Variants in DPP6 observed in about 807,000 individuals in gnomAD.
DPP6 encodes the protein dipeptidyl peptidase like 6, also known as A-type potassium channel modulatory protein DPP6.
Under a neutral mutation model 122.6 loss-of-function variants are expected in DPP6, and 69 were observed. That is an observed-to-expected ratio of 0.56 (90% CI 0.46 to 0.69). DPP6 has a LOEUF of 0.69. Ranked by LOEUF, DPP6 falls within the 30% of genes least tolerant of loss-of-function variation. DPP6 has a pLI of 0.00. For synonymous variants in DPP6, 418 were observed against 433.1 expected, an observed-to-expected ratio of 0.97 and a Z score of 0.43; for missense variants, 928 against 1,116.9, an observed-to-expected ratio of 0.83 and a Z score of 2.41.
At chr7:154,212,103 A>T (rs1376848721) in intron 1 of DPP6, among the ~76,000 whole-genome samples, 1 of 152,158 alleles carries the variant, frequency 6.6e-6, no homozygotes, top group Non-Finnish European at 1.5e-5. Context: ...CACATGGCTC[A>T]TCAGTGCTGG....
chr7:154,435,280 A>T (rs916775313), intron 1 of DPP6, among the ~76,000 whole-genome samples: 2 of 151,978 alleles, frequency 1.3e-5, no homozygotes, highest in Non-Finnish European at 2.9e-5. Context: ...AGAAAGAGGG[A>T]GGAATGGGAG....
intron 7 of DPP6, among the ~76,000 whole-genome samples, chr7:154,716,844 T>G (rs544460866): frequency 2.0e-5 from 3 of 152,322 alleles, no homozygotes; most frequent in East Asian, 3.8e-4. Context: ...TTATTGTTGC[T>G]GTTTTTTGAG....
chr7:153,868,591 TA>T, the DPP6 span, among the ~76,000 whole-genome samples: 8 of 152,274 alleles, frequency 5.3e-5, no homozygotes, highest in Admixed American at 3.3e-4. Flanking sequence ...GTTGATCTTT[TA>T]AAAAAACCAG....
chr7:154,232,309 A>T (rs1800965412), intron 1 of DPP6, among the ~76,000 whole-genome samples: 1 of 152,216 alleles, frequency 6.6e-6, no homozygotes, highest in Non-Finnish European at 1.5e-5. Context: ...ACAAGAGCCC[A>T]GAAACAGGGA....
chr7:154,434,864 C>T lies in DPP6; in HGVS notation c.244-11350C>T, dbSNP rs145684943. Among the ~76,000 whole-genome samples the T allele has an allele frequency of 1.8e-3, 279 of 152,204 alleles. 2 individuals carry two copies. Among genetic ancestry groups the T allele is most frequent in the African/African-American group, 6.2e-3 (259 of 41,548 alleles). On this transcript the variant is annotated intron_variant, in intron 1 of 25. Transcript: ENST00000377770. Reference sequence around the variant, plus strand: ...ATTTTTATTTTTTGAGATGGAGTCTCGCTCTGGTCACCCAGGCTAAAGTGC... The same window carrying T: ...ATTTTTATTTTTTGAGATGGAGTCTTGCTCTGGTCACCCAGGCTAAAGTGC...
At chr7:154,650,137 T>C (rs1224155922) in intron 6 of DPP6, among the ~76,000 whole-genome samples, 1 of 151,882 alleles carries the variant, frequency 6.6e-6, no homozygotes, top group Admixed American at 6.6e-5. Context: ...CTGGGCAACA[T>C]AGCAAGACAC....
In DPP6 at chr7:154,575,570, ATATGTGTATGTGTGAGCGGGTG is replaced by A. The variant is rs1400144401; in HGVS notation, c.627+8662_627+8683del. ...TGTGGTGTGTTTATTTGTGTGTGGT[ATATGTGTATGTGTGAGCGGGTG>A]TATGTGTGTGGTGTGTGTATGTGTG... On this transcript the variant is annotated intron_variant, in intron 5 of 25. Transcript: ENST00000377770. 9.2e-3 allele frequency among the ~76,000 whole-genome samples: 568 copies of A among 62,038 alleles called. 7 individuals are homozygous for A. The highest frequency in any genetic ancestry group is 0.04 in the African/African-American group (532 of 13,452). The allele number at this position is 62,038 out of a possible 152,430, so 40.7% of individuals were successfully genotyped here. A position where few individuals can be genotyped will look rare whatever the true frequency, so the allele number is the denominator to read the frequency against.
chr7:154,013,622 T>A (rs1471740280), intron 1 of DPP6, among the ~76,000 whole-genome samples: 1 of 151,842 alleles, frequency 6.6e-6, no homozygotes, highest in African/African-American at 2.4e-5. Flanking sequence ...CATTCTTACT[T>A]TATGTGGACA....
chr7:153,863,603 C>T, the DPP6 span, among the ~76,000 whole-genome samples: 15 of 152,184 alleles, frequency 9.9e-5, no homozygotes, highest in East Asian at 1.5e-3. Context: ...ATAAATACGA[C>T]GTGGAAATCA....
intron 1 of DPP6, among the ~76,000 whole-genome samples, chr7:154,082,846 CTTT>C (rs1174987723): frequency 8.5e-5 from 9 of 106,272 alleles, no homozygotes; most frequent in Non-Finnish European, 1.7e-4. Context: ...TTTTCTTTTT[CTTT>C]TTTTTTTTTT....
intron 1 of DPP6, among the ~76,000 whole-genome samples, chr7:154,133,586 T>C (rs1795396616): frequency 6.6e-6 from 1 of 152,216 alleles, no homozygotes. Context: ...CTCCTTCGAC[T>C]TCCTCACATT....
At chr7:154,825,900 A>T (rs1800106396) in intron 16 of DPP6, among the ~76,000 whole-genome samples, 1 of 152,210 alleles carries the variant, frequency 6.6e-6, no homozygotes. Flanking sequence ...TTTCATGAGC[A>T]CCAGTTTTAT....
chr7:154,065,191 C>G, intron 1 of DPP6, among the ~76,000 whole-genome samples: 1 of 152,074 alleles, frequency 6.6e-6, no homozygotes, highest in African/African-American at 2.4e-5. Context: ...GCTGGAAGGA[C>G]AGACATCACT....
the DPP6 span, among the ~76,000 whole-genome samples, chr7:153,813,234 T>A: frequency 3.5e-5 from 5 of 143,890 alleles, no homozygotes; most frequent in African/African-American, 7.6e-5. Flanking sequence ...TGTCCATGCG[T>A]TCTCATTGTT....
intron 3 of DPP6, among the ~76,000 whole-genome samples, chr7:154,507,276 A>AT (rs34818675): frequency 2.8e-4 from 42 of 149,826 alleles, no homozygotes; most frequent in Middle Eastern, 7.0e-3. Flanking sequence ...AGAAACCATA[A>AT]TTTTTTTTTT....
intron 1 of DPP6, among the ~76,000 whole-genome samples, chr7:154,101,935 C>CAAAAA (rs915468915): frequency 8.8e-4 from 36 of 40,770 alleles, no homozygotes; most frequent in Non-Finnish European, 1.0e-3. Context: ...TACTCCATCT[C>CAAAAA]AAAAAAAAAA....
At chr7:154,568,409 A>G (rs925173616) in intron 5 of DPP6, among the ~76,000 whole-genome samples, 1 of 152,244 alleles carries the variant, frequency 6.6e-6, no homozygotes. Context: ...TAATCATCGG[A>G]GCACCCCGAC....
intron 2 of DPP6, among the ~76,000 whole-genome samples, chr7:154,460,704 T>C (rs893450981): frequency 2.6e-5 from 4 of 152,354 alleles, no homozygotes; most frequent in Middle Eastern, 3.4e-3. Context: ...CATTTTTTAA[T>C]TTTTAATTTC....
rs1371294378 is a variant in DPP6, at chr7:154,128,503, G to A, written c.243+75440G>A. On this transcript the variant is annotated intron_variant, in intron 1 of 25. Transcript: ENST00000377770. ...TGCAAGCTCCGCCTCCTGGGTTCACGCCATTCTCCTGCCTCAGCCTCCCGA... is the reference window on the plus strand; with the variant it reads ...TGCAAGCTCCGCCTCCTGGGTTCACACCATTCTCCTGCCTCAGCCTCCCGA... Among the ~76,000 whole-genome samples, 12 of 152,112 alleles carry A rather than the reference G, an allele frequency of 7.9e-5. 1 individual carries two copies.
Sources: gnomAD v4.1 joint callset for allele counts (sites outside exome capture counted in the v4.1 genomes callset) on GRCh38, gnomAD v4.1.1 for gene constraint, MANE v1.5 for transcripts, NCBI Gene and HGNC (gene_info 2026-07-23, HGNC 2026-07-21) for gene names.